The following TECPR2 variants were observed in gnomAD, a reference collection of about 807,000 sequenced individuals.
The protein encoded by TECPR2 is tectonin beta-propeller repeat containing 2.
A neutral mutation model predicts 138.1 loss-of-function variants in TECPR2; 65 were observed. The observed-to-expected ratio is 0.47, with a 90% CI of 0.39 to 0.58. The LOEUF is 0.58. Ranked by LOEUF, TECPR2 falls within the 20% of genes least tolerant of loss-of-function variation. TECPR2 has a pLI of 0.00. For synonymous variants in TECPR2, 746 were observed against 749.8 expected, an observed-to-expected ratio of 0.99 and a Z score of 0.08; for missense variants, 1,553 against 1,824.5, an observed-to-expected ratio of 0.85 and a Z score of 2.71.
chr14:102,414,338 T>G (rs915943203), intron 4 of TECPR2, among the ~76,000 whole-genome samples: 3 of 152,242 alleles, frequency 2.0e-5, no homozygotes, highest in Non-Finnish European at 4.4e-5. Context: ...CCTGCTATGG[T>G]GCACAGTAAA....
intron 17 of TECPR2, among the ~76,000 whole-genome samples, chr14:102,468,547 T>G (rs1158222962): frequency 6.6e-6 from 1 of 152,230 alleles, no homozygotes; most frequent in Non-Finnish European, 1.5e-5. Context: ...ATCAGACACA[T>G]GATTTACAAG....
intron 13 of TECPR2, among the ~76,000 whole-genome samples, chr14:102,449,415 G>A (rs1890077942): frequency 6.6e-6 from 1 of 152,210 alleles, no homozygotes; most frequent in Admixed American, 6.5e-5. Context: ...CCAACCCTAC[G>A]AAGGAGCTGG....
chr14:102,495,949 C>T (rs1482726527), intron 17 of TECPR2, among the ~76,000 whole-genome samples: 1 of 152,190 alleles, frequency 6.6e-6, no homozygotes. Flanking sequence ...AGTGTCTGGC[C>T]CCGGCAAGTG....
chr14:102,370,460 A>G (rs1297381004), intron 1 of TECPR2, among the ~76,000 whole-genome samples: 1 of 152,188 alleles, frequency 6.6e-6, no homozygotes, highest in East Asian at 1.9e-4. Context: ...AGGAGATCTC[A>G]TGAGCTAAAG....
At chr14:102,426,173 G>A (rs1889316105) in intron 6 of TECPR2, among the ~76,000 whole-genome samples, 2 of 151,564 alleles carry the variant, frequency 1.3e-5, no homozygotes, top group African/African-American at 2.4e-5. Context: ...GGCGTGAACC[G>A]CCGCGCCCGG....
chr14:102,413,882 T>C (rs1024217055), intron 4 of TECPR2, among the ~76,000 whole-genome samples: 1 of 152,054 alleles, frequency 6.6e-6, no homozygotes, highest in Non-Finnish European at 1.5e-5. Context: ...CACTGTAACC[T>C]GAACTCCTGG....
chr14:102,499,576 C>T lies in TECPR2; in HGVS notation c.*1319C>T, dbSNP rs1282878437. ...GCCTTCTGCGGGGTATGGGTTGACACTTGACAGGTTGAAACCAGTGCCTCT... is the reference window on the plus strand; with the variant it reads ...GCCTTCTGCGGGGTATGGGTTGACATTTGACAGGTTGAAACCAGTGCCTCT... On this transcript the variant is annotated 3_prime_UTR_variant, in exon 20 of 20. Transcript: ENST00000359520. 1.9e-5 allele frequency: 6 copies of T among 313,050 alleles called. No individual in the cohort carries two copies. Among genetic ancestry groups the T allele is most frequent in the Admixed American group, 4.5e-5 (1 of 22,282 alleles). The allele number at this position is 313,050 out of a possible 1,614,324, so 19.4% of individuals were successfully genotyped here. A position where few individuals can be genotyped will look rare whatever the true frequency, so the allele number is the denominator to read the frequency against.
At position 102,440,001 on chromosome 14, in the gene TECPR2, G is replaced by A. The variant is rs529901141; in HGVS notation, c.2579-435G>A. Among the ~76,000 whole-genome samples the A allele has an allele frequency of 2.0e-5, 3 of 152,282 alleles. No individual in the cohort carries two copies. In the South Asian group the frequency reaches 6.2e-4, roughly 32 times the overall value. On this transcript the variant is annotated intron_variant, in intron 10 of 19. Transcript: ENST00000359520. ...GATCCTTCTCTTTGAATCCCTAAAG[G>A]ACTTTTTCAGCCTCTCCTAGGGCAC...
At chr14:102,410,280 C>T (rs1280604341) in intron 4 of TECPR2, among the ~76,000 whole-genome samples, 2 of 150,780 alleles carry the variant, frequency 1.3e-5, no homozygotes, top group East Asian at 3.9e-4. Flanking sequence ...TAGAAGATGG[C>T]TGGATTCTCC....
At chr14:102,466,235 A>G (rs62008785) in intron 17 of TECPR2, among the ~76,000 whole-genome samples, 17,381 of 152,042 alleles carry the variant, frequency 0.11, 1,192 homozygotes, top group South Asian at 0.28. Context: ...TCGGCTCCAG[A>G]GCTCTGTGGA....
chr14:102,460,427 A>G (rs1890378664), intron 16 of TECPR2, among the ~76,000 whole-genome samples: 2 of 152,000 alleles, frequency 1.3e-5, no homozygotes, highest in Admixed American at 6.6e-5. Flanking sequence ...TAGCCTGGCC[A>G]ACATGGTGAA....
rs114323438 is a variant in TECPR2, at chr14:102,479,256, G to A, written c.3789+13967G>A. Among the ~76,000 whole-genome samples the A allele has an allele frequency of 3.5e-3, 532 of 152,276 alleles. 3 individuals carry two copies. The highest frequency in any genetic ancestry group is 0.012 in the African/African-American group (479 of 41,570). On this transcript the variant is annotated intron_variant, in intron 17 of 19. Coordinates refer to ENST00000359520, the MANE Select transcript of TECPR2 (RefSeq NM_014844.5). ...AGCAGGTAAAGAGGCTTGGCCTAGT[G>A]TTTCTGAGTAGGGAAGAGTGCTCCT...
Position 102,435,176 on chromosome 14 carries a change from G to T in TECPR2, c.2359G>T (p.Gly787Cys). ...CTCCCAGCAGGACCTGAGCCGGCTGGGTGCAGAGGACGCCGGGCTGCTCAA... is the reference window on the plus strand; with the variant it reads ...CTCCCAGCAGGACCTGAGCCGGCTGTGTGCAGAGGACGCCGGGCTGCTCAA... The part of the protein sequence containing the change: ...SCSQQDLSRL[G>C]AEDAGLLKPD... The change falls in exon 9 of 20, where the codon GGT (glycine) becomes TGT (cysteine). Residue 787 changes from glycine to cysteine, a missense_variant. Transcript: ENST00000359520. 1 of 1,612,672 alleles carries T rather than the reference G, an allele frequency of 6.2e-7. No homozygotes were observed.
In TECPR2 at chr14:102,424,793, G is replaced by A. The variant is rs3818318; in HGVS notation, c.639-186G>A. Among the ~76,000 whole-genome samples the A allele has an allele frequency of 1.6e-3, 249 of 152,272 alleles. 9 individuals are homozygous for A. The East Asian group carries it at 0.044, about 27-fold the overall frequency. On this transcript the variant is annotated intron_variant, in intron 5 of 19. Transcript: ENST00000359520. ...GGCACACACCTGTGAGGGTGTGGTC[G>A]GGCCTCTGTTGGTACAGGGATGACA... is the stretch of plus-strand genomic sequence containing the variant.
chr14:102,482,912 C>T (rs187835765), intron 17 of TECPR2, among the ~76,000 whole-genome samples: 1,500 of 139,924 alleles, frequency 0.011, 28 homozygotes, highest in African/African-American at 0.038. Context: ...GGCATGATCT[C>T]GGCTCACTGC....
chr14:102,500,899 G>A lies in TECPR2; in HGVS notation c.*2642G>A, dbSNP rs1891422219. On this transcript the variant is annotated 3_prime_UTR_variant, in exon 20 of 20. Transcript: ENST00000359520. ...CAAGGGGAAGTCTCATTAGCCCCTT[G>A]AGACTCAGAGAGGTTAGGTAACTTG... 1 of 152,290 alleles carries A rather than the reference G, an allele frequency of 6.6e-6. No homozygotes were observed. 9.4% of individuals were successfully genotyped at this position (152,290 alleles called of 1,614,324 possible). A position where few individuals can be genotyped will look rare whatever the true frequency, so the allele number is the denominator to read the frequency against.
In TECPR2 at chr14:102,434,484, T is replaced by C; in HGVS notation, c.1667T>C (p.Met556Thr). ...AATGTCCTGGAGGTGTCAGGATCAA[T>C]GCCTGATTCTCTGGCTGAGGAAGAT... ...TFNVLEVSGS[M>T]PDSLAEEDDI... is the part of the protein sequence containing the mutation. The change falls in exon 9 of 20, where the codon ATG becomes ACG. Residue 556 changes from methionine to threonine, a missense_variant. By Grantham distance (81) the Met-to-Thr change is moderately conservative (BLOSUM62 -1). Transcript: ENST00000359520. 5.1e-6 allele frequency: 8 copies of C among 1,560,954 alleles called. No homozygotes were observed. Among genetic ancestry groups the C allele is most frequent in the Non-Finnish European group, 6.9e-6 (8 of 1,154,100 alleles).
rs562789718 is a variant in TECPR2 at position 102,431,749 on chromosome 14, G to A, written c.1085-47G>A. Reference sequence around the variant, plus strand: ...AGCAAACGTGGATAAGTGCACATCAGCTCTCTCTTGGATCACCAGTGGTAA... The same window carrying A: ...AGCAAACGTGGATAAGTGCACATCAACTCTCTCTTGGATCACCAGTGGTAA... On this transcript the variant is annotated intron_variant, in intron 7 of 19. Transcript: ENST00000359520. 6 of 1,503,866 alleles carry A rather than the reference G, an allele frequency of 4.0e-6. No homozygotes were observed. The African/African-American group carries it at 7.0e-5, about 17-fold the overall frequency. The allele number at this position is 1,503,866 out of a possible 1,614,324, so 93.2% of individuals were successfully genotyped here. A position where few individuals can be genotyped will look rare whatever the true frequency, so the allele number is the denominator to read the frequency against.
chr14:102,487,691 G>A (rs1305024481), intron 17 of TECPR2, among the ~76,000 whole-genome samples: 4 of 152,136 alleles, frequency 2.6e-5, no homozygotes, highest in East Asian at 1.9e-4. Context: ...ACAGGCGCCC[G>A]CCACCACGCC....
Sources: gnomAD v4.1 joint callset for allele counts (sites outside exome capture counted in the v4.1 genomes callset) on GRCh38, gnomAD v4.1.1 for gene constraint, MANE v1.5 for transcripts, NCBI Gene and HGNC (gene_info 2026-07-23, HGNC 2026-07-21) for gene names.